NOX4: variants seen among roughly 807,000 people sequenced by gnomAD.
NOX4 encodes the protein NADPH oxidase 4.
A neutral mutation model predicts 87.6 loss-of-function variants in NOX4; 69 were observed. The observed-to-expected ratio is 0.79, with a 90% CI of 0.65 to 0.96. The LOEUF is 0.96. NOX4 is among the 40% of genes least tolerant of loss of function. The probability of loss-of-function intolerance (pLI) is 0.00; values close to 1 mark genes in which losing one functional copy is unlikely to be tolerated. For synonymous variants in NOX4, 275 were observed against 238.2 expected (o/e 1.15, Z -1.42); for missense variants, 680 against 681.5 (o/e 1.00, Z 0.02).
chr11:89,330,427 C>T (rs2135362305), intron 17 of NOX4, among the ~76,000 whole-genome samples: 1 of 151,956 alleles, frequency 6.6e-6, no homozygotes, highest in African/African-American at 2.4e-5. Context: ...AAACTTAGAA[C>T]AATGTTTCTT....
the NOX4 span, among the ~76,000 whole-genome samples, chr11:89,587,811 T>C: frequency 5.3e-5 from 8 of 152,180 alleles, no homozygotes; most frequent in African/African-American, 1.4e-4. Flanking sequence ...GTTTTTAGAA[T>C]GTTTTTGAAA....
At chr11:89,385,554 C>T (rs919032839) in intron 11 of NOX4, among the ~76,000 whole-genome samples, 2 of 152,136 alleles carry the variant, frequency 1.3e-5, no homozygotes, top group Non-Finnish European at 2.9e-5. Flanking sequence ...CATTTCATAA[C>T]GTCTTTCATG....
At chr11:89,564,088 G>A in the NOX4 span, among the ~76,000 whole-genome samples, 2,939 of 152,184 alleles carry the variant, frequency 0.019, 44 homozygotes, top group South Asian at 0.047. Context: ...GAAATGTACC[G>A]TATTATAAAA....
intron 17 of NOX4, among the ~76,000 whole-genome samples, chr11:89,329,564 T>G (rs552137277): frequency 6.6e-6 from 1 of 150,400 alleles, no homozygotes; most frequent in South Asian, 2.1e-4. Context: ...AATAAAATAC[T>G]AAAAACGAGT....
chr11:89,337,236 C>A (rs1488186083), intron 16 of NOX4, among the ~76,000 whole-genome samples: 1 of 151,970 alleles, frequency 6.6e-6, no homozygotes, highest in Non-Finnish European at 1.5e-5. Flanking sequence ...GAGGGGCAGA[C>A]TCAAAAGCTC....
At chr11:89,431,385 A>G (rs1345408393) in intron 7 of NOX4, among the ~76,000 whole-genome samples, 3 of 152,232 alleles carry the variant, frequency 2.0e-5, no homozygotes, top group African/African-American at 7.2e-5. Flanking sequence ...GCTTCTGCAC[A>G]GCAAAAGAAA....
upstream of NOX4, among the ~76,000 whole-genome samples, chr11:89,501,153 G>A (rs1947012858): frequency 6.6e-6 from 1 of 152,012 alleles, no homozygotes; most frequent in Admixed American, 6.6e-5. Flanking sequence ...TGTTACAAGA[G>A]ACATGAAATA....
intron 2 of NOX4, among the ~76,000 whole-genome samples, chr11:89,471,973 C>T (rs543410082): frequency 2.0e-4 from 31 of 152,154 alleles, no homozygotes; most frequent in African/African-American, 2.7e-4. Context: ...AACTTCTGGC[C>T]TCAAGTGATC....
intron 2 of NOX4, chr11:89,489,135 AAATT>A (rs1426797276): frequency 5.3e-5 from 30 of 567,354 alleles, no homozygotes; most frequent in Admixed American, 3.1e-4. Flanking sequence ...GTTGTATAAA[AAATT>A]AATTAATTAA....
chr11:89,586,253 C>T, the NOX4 span, among the ~76,000 whole-genome samples: 1 of 152,082 alleles, frequency 6.6e-6, no homozygotes, highest in Admixed American at 6.6e-5. Flanking sequence ...TCTCTACTTC[C>T]TTTTCTATTC....
At chr11:89,557,688 T>C in the NOX4 span, among the ~76,000 whole-genome samples, 2 of 152,090 alleles carry the variant, frequency 1.3e-5, no homozygotes, top group Non-Finnish European at 2.9e-5. Context: ...TATTTCATGC[T>C]CCCTAAACTT....
chr11:89,389,933 A>G (rs1006199166), intron 11 of NOX4, among the ~76,000 whole-genome samples: 53 of 152,166 alleles, frequency 3.5e-4, no homozygotes, highest in African/African-American at 1.2e-3. Context: ...TATAATAAGA[A>G]TTAAATAATA....
In NOX4 at chr11:89,396,418, G is replaced by T. The variant is rs537470239; in HGVS notation, c.1074+3599C>A. On this transcript the variant is annotated intron_variant, in intron 11 of 17. Transcript: ENST00000263317. ...GGAGATTTTGGGCTGAGACGATGGGGTTTTCTAAATATACAATCATGTTAT... is the reference window on the plus strand; with the variant it reads ...GGAGATTTTGGGCTGAGACGATGGGTTTTTCTAAATATACAATCATGTTAT... Among the ~76,000 whole-genome samples the T allele has an allele frequency of 3.9e-5, 6 of 152,144 alleles. No homozygotes were observed. In the South Asian group the frequency reaches 8.3e-4, roughly 21 times the overall value.
the NOX4 span, among the ~76,000 whole-genome samples, chr11:89,508,931 C>A: frequency 2.0e-5 from 3 of 152,136 alleles, no homozygotes; most frequent in Middle Eastern, 3.4e-3. Context: ...GTCAGAAAGA[C>A]TCAGCACAGA....
At chr11:89,374,609 A>G (rs1434261709) in intron 11 of NOX4, among the ~76,000 whole-genome samples, 3 of 152,214 alleles carry the variant, frequency 2.0e-5, no homozygotes, top group Admixed American at 1.3e-4. Flanking sequence ...CCCAATAAAA[A>G]GACAAGACAA....
chr11:89,556,840 C>G, the NOX4 span: 2 of 152,080 alleles, frequency 1.3e-5, no homozygotes, highest in African/African-American at 4.8e-5. Context: ...AAGTTTGGAT[C>G]TGAAATATGA....
intron 13 of NOX4, among the ~76,000 whole-genome samples, chr11:89,353,566 T>C (rs1398159225): frequency 6.6e-6 from 1 of 152,196 alleles, no homozygotes; most frequent in Non-Finnish European, 1.5e-5. Flanking sequence ...ATTACTTTTA[T>C]ATGCAGTGAG....
chr11:89,460,296 C>A (rs536508248), intron 2 of NOX4, among the ~76,000 whole-genome samples: 5 of 152,232 alleles, frequency 3.3e-5, no homozygotes, highest in Middle Eastern at 3.4e-3. Context: ...GCAACAAAAG[C>A]CACAATTGAC....
In NOX4 at chr11:89,491,237, A is replaced by C. The variant is rs773856343; in HGVS notation, c.10T>G (p.Ser4Ala). MAVSWRSWLANEGV... is the reference protein window; with the variant it reads MAVAWRSWLANEGV... ...TCGTTGGCGAGCCAGCTCCTCCAGGACACAGCCATGCCGCCGGCCCCGCCG... is the reference window on the plus strand; with the variant it reads ...TCGTTGGCGAGCCAGCTCCTCCAGGCCACAGCCATGCCGCCGGCCCCGCCG... Residue 4 changes from serine (S) to alanine (A), a missense_variant, in exon 1 of 18, where the codon TCC (serine) becomes GCC (alanine). By Grantham distance (99) the Ser-to-Ala change is moderately conservative. Transcript: ENST00000263317. 6.2e-7 allele frequency: 1 copy of C among 1,613,296 alleles called. No individual in the cohort carries two copies. Among genetic ancestry groups the C allele is most frequent in the Non-Finnish European group, 8.5e-7 (1 of 1,179,724 alleles).
Sources: gnomAD v4.1 joint callset for allele counts (sites outside exome capture counted in the v4.1 genomes callset) on GRCh38, gnomAD v4.1.1 for gene constraint, MANE v1.5 for transcripts, NCBI Gene and HGNC (gene_info 2026-07-23, HGNC 2026-07-21) for gene names.